Variants in DSE observed in about 807,000 individuals in gnomAD.
DSE encodes dermatan sulfate epimerase, also known as dermatan-sulfate epimerase.
In DSE, 36 loss-of-function variants were observed where a neutral mutation model predicts 84.4. The ratio of observed to expected loss-of-function variants is 0.43; its 90% CI spans 0.33 to 0.56. DSE has a LOEUF of 0.56. DSE is among the 20% of genes least tolerant of loss of function. The pLI is 0.06. For synonymous variants in DSE, 410 were observed against 430.1 expected (o/e 0.95, Z 0.58); for missense variants, 862 against 1,169.6 (o/e 0.74, Z 3.84).
intron 2 of DSE, among the ~76,000 whole-genome samples, chr6:116,355,242 A>G (rs972042564): frequency 2.0e-5 from 3 of 152,128 alleles, no homozygotes; most frequent in African/African-American, 7.2e-5. Context: ...TGTCCTCCGA[A>G]TCCTCTCTCA....
chr6:116,349,373 A>C (rs1006692536), intron 2 of DSE, among the ~76,000 whole-genome samples: 1 of 152,114 alleles, frequency 6.6e-6, no homozygotes, highest in African/African-American at 2.4e-5. Flanking sequence ...AGGGGAGCTC[A>C]CTCAGAGTTC....
At chr6:116,280,003 G>A (rs780093461) in intron 2 of DSE, 7 of 885,116 alleles carry the variant, frequency 7.9e-6, no homozygotes, top group Non-Finnish European at 1.1e-5. Flanking sequence ...CCCGGGATTG[G>A]TTCCGCCGCT....
At chr6:116,396,964 T>G (rs1781289440) in intron 1 of DSE, among the ~76,000 whole-genome samples, 1 of 152,192 alleles carries the variant, frequency 6.6e-6, no homozygotes, top group Admixed American at 6.5e-5. Flanking sequence ...CTTACCCATA[T>G]GCTCATAGCT....
At chr6:116,400,681 C>T (rs1201123005) in intron 2 of DSE, 1 of 152,124 alleles carries the variant, frequency 6.6e-6, no homozygotes, top group East Asian at 1.9e-4. Context: ...TTGCTAAGTA[C>T]ATGTAGTCAT....
At chr6:116,420,459 A>G (rs190288309) in intron 2 of DSE, among the ~76,000 whole-genome samples, 3 of 152,322 alleles carry the variant, frequency 2.0e-5, no homozygotes, top group Admixed American at 2.0e-4. Flanking sequence ...CCTTATCCCC[A>G]CACCATACAT....
intron 2 of DSE, among the ~76,000 whole-genome samples, chr6:116,293,032 G>T (rs1453342756): frequency 1.3e-5 from 2 of 152,046 alleles, no homozygotes; most frequent in Admixed American, 1.3e-4. Flanking sequence ...GGTGACATTA[G>T]GAATGACTTT....
intron 1 of DSE, among the ~76,000 whole-genome samples, chr6:116,396,781 A>G (rs1192414015): frequency 6.6e-6 from 1 of 152,170 alleles, no homozygotes; most frequent in Non-Finnish European, 1.5e-5. Context: ...TAGGCCCCAC[A>G]GTGTGAGGGA....
At chr6:116,259,008 C>G (rs766579853) in intron 2 of DSE, 2 of 1,500,956 alleles carry the variant, frequency 1.3e-6, no homozygotes, top group Admixed American at 1.7e-5. Context: ...CAATGTAATC[C>G]TGCAGGGAAA....
intron 2 of DSE, among the ~76,000 whole-genome samples, chr6:116,403,725 ATGGGATCAGT>A: frequency 6.6e-6 from 1 of 152,340 alleles, no homozygotes; most frequent in South Asian, 2.1e-4. Flanking sequence ...TACAGTGACT[ATGGGATCAGT>A]TACTCTGTAG....
At chr6:116,422,119 G>A (rs1783131380) in intron 2 of DSE, among the ~76,000 whole-genome samples, 1 of 152,122 alleles carries the variant, frequency 6.6e-6, no homozygotes, top group Non-Finnish European at 1.5e-5. Context: ...TCGGTGCATG[G>A]TTTTATAACA....
chr6:116,388,333 C>G (rs1025611879), intron 1 of DSE, among the ~76,000 whole-genome samples: 2 of 152,192 alleles, frequency 1.3e-5, no homozygotes, highest in African/African-American at 4.8e-5. Context: ...TCTTCCCTCT[C>G]TTTTTGTTCT....
At chr6:116,377,009 C>T (rs181702287) in intron 1 of DSE, among the ~76,000 whole-genome samples, 4 of 152,230 alleles carry the variant, frequency 2.6e-5, no homozygotes, top group East Asian at 1.9e-4. Context: ...CCTCTCAGTG[C>T]GAACGATAGC....
chr6:116,321,664 C>T (rs887024273), intron 2 of DSE, among the ~76,000 whole-genome samples: 2 of 152,064 alleles, frequency 1.3e-5, no homozygotes, highest in Non-Finnish European at 2.9e-5. Context: ...ATTCCAGCTA[C>T]TCGGGAGGCT....
chr6:116,279,575 C>G (rs149638466), intron 2 of DSE: 1 of 1,602,606 alleles, frequency 6.2e-7, no homozygotes, highest in South Asian at 1.1e-5. Flanking sequence ...CGACCCCCAA[C>G]AACTCGGATC....
At chr6:116,330,491 T>G (rs549234118) in intron 2 of DSE, among the ~76,000 whole-genome samples, 2 of 152,310 alleles carry the variant, frequency 1.3e-5, no homozygotes, top group South Asian at 4.1e-4. Context: ...ATAAGGGAAC[T>G]CTTAATAATC....
intron 1 of DSE, among the ~76,000 whole-genome samples, chr6:116,395,526 A>G (rs943630192): frequency 2.6e-5 from 4 of 152,210 alleles, no homozygotes; most frequent in African/African-American, 9.6e-5. Context: ...CTCTCAAACT[A>G]TAGTTATTCA....
At chr6:116,267,367 T>C (rs559619154) in intron 2 of DSE, among the ~76,000 whole-genome samples, 1 of 152,248 alleles carries the variant, frequency 6.6e-6, no homozygotes, top group South Asian at 2.1e-4. Flanking sequence ...GTGATATTGA[T>C]AATCGGGAGC....
At chr6:116,315,590 T>A (rs562696149) in intron 2 of DSE, among the ~76,000 whole-genome samples, 2 of 152,288 alleles carry the variant, frequency 1.3e-5, no homozygotes, top group African/African-American at 4.8e-5. Context: ...GTTGTTTATC[T>A]CCAGATCCCA....
At position 116,275,596 on chromosome 6, in the gene DSE, G is replaced by C. The variant is rs113337314; in HGVS notation, c.-54+16629G>C. Among the ~76,000 whole-genome samples, 976 of 152,116 alleles carry C rather than the reference G, an allele frequency of 6.4e-3. 10 individuals are homozygous for C. The highest frequency in any genetic ancestry group is 0.022 in the African/African-American group (921 of 41,486). On this transcript the variant is annotated intron_variant, in intron 2 of 3. Coordinates refer to the DSE transcript ENST00000430252. ...TGGGCTGATCACGAGGTCAGGAGAT[G>C]GAGACCATCCTGGCTAACATGGTGA...
Sources: allele counts gnomAD v4.1 joint callset (sites outside exome capture counted in the v4.1 genomes callset), GRCh38; gene constraint gnomAD v4.1.1; transcripts MANE v1.5; gene names NCBI Gene and HGNC (gene_info 2026-07-23, HGNC 2026-07-21).